Variants in DHX15 observed in about 807,000 individuals in gnomAD.
The protein encoded by DHX15 is ATP-dependent RNA helicase DHX15.
In DHX15, 11 loss-of-function variants were observed where a neutral mutation model predicts 94.4. The observed-to-expected ratio is 0.12, with a 90% CI of 0.07 to 0.19. The LOEUF (loss-of-function observed/expected upper bound fraction) is 0.19, where lower values mean the gene tolerates loss of function less well. Ranked by LOEUF, DHX15 falls within the 10% of genes least tolerant of loss-of-function variation. DHX15 has a pLI of 1.00. For synonymous variants in DHX15, 338 were observed against 329.9 expected, an observed-to-expected ratio of 1.02 and a Z score of -0.27; for missense variants, 304 against 988.5, an observed-to-expected ratio of 0.31 and a Z score of 9.29.
In DHX15 at chr4:24,547,943, C is replaced by CTA. The variant is rs757091144; in HGVS notation, c.1248+910_1248+911dup. 7.3e-3 allele frequency among the ~76,000 whole-genome samples: 525 copies of CTA among 72,126 alleles called. 20 individuals carry two copies. The highest frequency in any genetic ancestry group is 0.024 in the African/African-American group (443 of 18,186). The allele number at this position is 72,126 out of a possible 152,430, so 47.3% of individuals were successfully genotyped here. A position where few individuals can be genotyped will look rare whatever the true frequency, so the allele number is the denominator to read the frequency against. On this transcript the variant is annotated intron_variant, in intron 6 of 13. Transcript: ENST00000336812. ...TATATATATATATATATATATATAT[C>CTA]TATATCTATATCTATATCTATCTGC...
Position 24,544,255 on chromosome 4 carries a change from C to T in DHX15, c.1249-1229G>A, listed in dbSNP as rs77487392. On this transcript the variant is annotated intron_variant, in intron 6 of 13. Transcript: ENST00000336812. Reference sequence around the variant, plus strand: ...TAGCTTTAAAAATCATAGGCTTTTGCTGCATTAACTATTTTACTTAATATT... The same window carrying T: ...TAGCTTTAAAAATCATAGGCTTTTGTTGCATTAACTATTTTACTTAATATT... Among the ~76,000 whole-genome samples, 1,119 of 152,198 alleles carry T rather than the reference C, an allele frequency of 7.4e-3. 15 individuals are homozygous for T. Among genetic ancestry groups the T allele is most frequent in the African/African-American group, 0.025 (1,024 of 41,514 alleles).
chr4:24,541,510 A>AG (rs1229593085), intron 8 of DHX15, among the ~76,000 whole-genome samples: 28 of 152,244 alleles, frequency 1.8e-4, no homozygotes, highest in African/African-American at 6.7e-4. Context: ...GCTGAAAGTT[A>AG]GTAAGGAAAG....
chr4:24,575,581 C>T (rs190110512), intron 2 of DHX15, among the ~76,000 whole-genome samples: 5 of 152,268 alleles, frequency 3.3e-5, no homozygotes, highest in East Asian at 1.9e-4. Context: ...TAAATTGATA[C>T]GCTCCCTCTG....
At position 24,584,232 on chromosome 4, in the gene DHX15, G is replaced by A. The variant is rs550449499; in HGVS notation, c.71+91C>T. 31 of 1,323,186 alleles carry A rather than the reference G, an allele frequency of 2.3e-5. No homozygotes were observed. In the South Asian group the frequency reaches 3.4e-4, roughly 15 times the overall value. The allele number at this position is 1,323,186 out of a possible 1,614,324, so 82.0% of individuals were successfully genotyped here. On this transcript the variant is annotated intron_variant, in intron 1 of 13. Transcript: ENST00000336812. ...GAGAGAAACAAAGGCTCGGGCTCCA[G>A]GACCCGCTCGGCCAGGCCAGCCCCG...
At chr4:24,551,295 G>A (rs543713061) in intron 5 of DHX15, among the ~76,000 whole-genome samples, 1 of 151,622 alleles carries the variant, frequency 6.6e-6, no homozygotes, top group South Asian at 2.1e-4. Context: ...AGCTACCCTT[G>A]TCAACAAAGT....
chr4:24,537,407 C>T lies in DHX15; in HGVS notation c.1787-234G>A, dbSNP rs1721218905. On this transcript the variant is annotated intron_variant, in intron 10 of 13. Transcript: ENST00000336812. The surrounding 1 kb of genome is among the most constrained non-coding windows in gnomAD (Gnocchi z 4.7). The stretch of plus-strand genomic sequence containing the variant: ...GAGTACCTGATTATTTTAACTAGAT[C>T]TAAAAGTAGGCATCAAAACAGCTAT... 2 of 384,786 alleles carry T rather than the reference C, an allele frequency of 5.2e-6. No individual in the cohort carries two copies. Among genetic ancestry groups the T allele is most frequent in the Non-Finnish European group, 9.2e-6 (2 of 218,138 alleles). The allele number at this position is 384,786 out of a possible 1,614,324, so 23.8% of individuals were successfully genotyped here.
chr4:24,540,359 G>C, intron 9 of DHX15, 60 bp from the exon 10 acceptor site: 1 of 1,418,394 alleles, frequency 7.1e-7, no homozygotes. Flanking sequence ...ATGTGACAAA[G>C]TACAAACTAT....
rs139327915 is a variant in DHX15 at position 24,540,295 on chromosome 4, A to G, written c.1599T>C (p.Pro533=). 441 of 1,609,610 alleles carry G rather than the reference A, an allele frequency of 2.7e-4. No individual in the cohort carries two copies. The highest frequency in any genetic ancestry group is 3.5e-4 in the Non-Finnish European group (408 of 1,177,872). The change falls in exon 10 of 14, where the codon CCT becomes CCC. Residue 533 remains proline, a synonymous_variant. Transcript: ENST00000336812. ...GTTCCAGGGCTCTCATCAGAGTTTC[A>G]GGAGCTAGTGGTAAAAGACAATCTA... is the stretch of plus-strand genomic sequence containing the variant. ...VHFDFMDPPA[P]ETLMRALELL...
At chr4:24,538,588 A>G (rs1721240722) in intron 10 of DHX15, 1 of 152,098 alleles carries the variant, frequency 6.6e-6, no homozygotes. Context: ...TCAGCAAACT[A>G]TTTTTTATTC....
At position 24,527,871 on chromosome 4, in the gene DHX15, T is replaced by C; in HGVS notation, c.*53A>G. 1 of 1,331,478 alleles carries C rather than the reference T, an allele frequency of 7.5e-7. No homozygotes were observed. Among genetic ancestry groups the C allele is most frequent in the Admixed American group, 1.7e-5 (1 of 58,894 alleles). The allele number at this position is 1,331,478 out of a possible 1,614,324, so 82.5% of individuals were successfully genotyped here. A position where few individuals can be genotyped will look rare whatever the true frequency, so the allele number is the denominator to read the frequency against. On this transcript the variant is annotated 3_prime_UTR_variant, in exon 14 of 14. Coordinates refer to ENST00000336812, the MANE Select transcript of DHX15 (RefSeq NM_001358.3). ...AAGAGCACAACTCGAACTTTTGAGT[T>C]CATTCATCTTTTAAAGCTGTCCTCT...
chr4:24,578,829 G>A (rs1213212000), intron 1 of DHX15, among the ~76,000 whole-genome samples: 1 of 152,136 alleles, frequency 6.6e-6, no homozygotes, highest in Non-Finnish European at 1.5e-5. Context: ...CTCCCAACGT[G>A]CTGGGATTAC....
chr4:24,530,265 A>G (rs116251449), intron 12 of DHX15: 2,692 of 163,432 alleles, frequency 0.016, 20 homozygotes, highest in African/African-American at 0.025. Flanking sequence ...GCCAACTATG[A>G]GCAGACAATT....
intron 6 of DHX15, 62 bp from the exon 7 acceptor site, chr4:24,543,088 AAGATCAGCCACTAAC>A: frequency 1.1e-5 from 13 of 1,180,990 alleles, no homozygotes; most frequent in Non-Finnish European, 1.6e-5. Context: ...AGGACTGTTA[AAGATCAGCCACTAAC>A]TTTCACTGAC....
intron 3 of DHX15, among the ~76,000 whole-genome samples, chr4:24,567,130 G>A (rs1262934696): frequency 6.6e-6 from 1 of 151,982 alleles, no homozygotes; most frequent in Non-Finnish European, 1.5e-5. Context: ...AAATAAAAAG[G>A]AAGCATATCA....
chr4:24,584,140 C>T, intron 1 of DHX15, 183 bp downstream of exon 1: 1 of 626,492 alleles, frequency 1.6e-6, no homozygotes, highest in Non-Finnish European at 2.7e-6. Context: ...GCACGCAACC[C>T]CCCGCGCCCT....
intron 6 of DHX15, among the ~76,000 whole-genome samples, chr4:24,547,872 TC>T (rs1468394646): frequency 7.6e-4 from 8 of 10,586 alleles, no homozygotes; most frequent in Non-Finnish European, 1.4e-3. Flanking sequence ...TCTCTCTCTC[TC>T]TCTCTCTCTC....
At chr4:24,562,969 T>C (rs996726557) in intron 3 of DHX15, among the ~76,000 whole-genome samples, 17 of 152,078 alleles carry the variant, frequency 1.1e-4, no homozygotes, top group African/African-American at 4.1e-4. Flanking sequence ...GAGTTTAAAT[T>C]CCAGCTTTAG....
At chr4:24,551,053 T>G (rs1721591994) in intron 5 of DHX15, among the ~76,000 whole-genome samples, 1 of 152,124 alleles carries the variant, frequency 6.6e-6, no homozygotes, top group Non-Finnish European at 1.5e-5. Flanking sequence ...ATGACTATAT[T>G]CTAACACATG....
rs117672515 is a variant in DHX15, at chr4:24,547,154, C to T, written c.1248+1701G>A. Among the ~76,000 whole-genome samples the T allele has an allele frequency of 8.1e-3, 1,236 of 152,302 alleles. 8 individuals are homozygous for T. Among genetic ancestry groups the T allele is most frequent in the East Asian group, 0.035 (181 of 5,176 alleles). ...GAAGCTACATCAGTGCTTTTCTCAA[C>T]CTCTAAGATGAAATTGACTCAAGGC... On this transcript the variant is annotated intron_variant, in intron 6 of 13. Transcript: ENST00000336812.
Sources: allele counts gnomAD v4.1 joint callset (sites outside exome capture counted in the v4.1 genomes callset), GRCh38; gene constraint gnomAD v4.1.1; non-coding constraint Gnocchi (gnomAD v3.1); transcripts MANE v1.5; gene names NCBI Gene and HGNC (gene_info 2026-07-23, HGNC 2026-07-21).